The following CDH4 variants were observed in gnomAD, a reference collection of about 807,000 sequenced individuals.
CDH4 encodes the protein cadherin 4.
Under a neutral mutation model 86.0 loss-of-function variants are expected in CDH4, and 33 were observed. The ratio of observed to expected loss-of-function variants is 0.38; its 90% CI spans 0.29 to 0.51. The LOEUF (loss-of-function observed/expected upper bound fraction) is 0.51, where lower values mean the gene tolerates loss of function less well. Among genes scored for constraint, CDH4 ranks in the 20% least tolerant of loss-of-function variants. CDH4 has a pLI of 0.86. For synonymous variants in CDH4, 555 were observed against 549.4 expected (o/e 1.01, Z -0.14); for missense variants, 1,114 against 1,307.4 (o/e 0.85, Z 2.28).
rs535456574 is a variant in CDH4 at position 61,590,876 on chromosome 20, T to TGAG, written c.170-152686_170-152685insAGG. ...CAAAGCCTTGTCTTCCCTAAATCTA[T>TGAG]GGGGGGGGGGGTCCCCGGGTCTCCA... On this transcript the variant is annotated intron_variant, in intron 2 of 15. Coordinates refer to ENST00000614565, the MANE Select transcript of CDH4 (RefSeq NM_001794.5). Among the ~76,000 whole-genome samples, 7 of 137,518 alleles carry TGAG rather than the reference T, an allele frequency of 5.1e-5. 1 individual carries two copies. The East Asian group carries it at 1.6e-3, about 31-fold the overall frequency. The allele number at this position is 137,518 out of a possible 152,430, so 90.2% of individuals were successfully genotyped here. A position where few individuals can be genotyped will look rare whatever the true frequency, so the allele number is the denominator to read the frequency against.
intron 2 of CDH4, among the ~76,000 whole-genome samples, chr20:61,733,707 A>G (rs1568784764): frequency 6.6e-6 from 1 of 151,638 alleles, no homozygotes; most frequent in Non-Finnish European, 1.5e-5. Context: ...GAAAGAAAGA[A>G]TGAAAGAAAG....
At chr20:61,293,273 G>T (rs1209051456) in intron 2 of CDH4, among the ~76,000 whole-genome samples, 1 of 152,234 alleles carries the variant, frequency 6.6e-6, no homozygotes, top group Non-Finnish European at 1.5e-5. Flanking sequence ...AGGAGGATGA[G>T]GGTGGATGAG....
intron 4 of CDH4, among the ~76,000 whole-genome samples, chr20:61,836,821 T>C (rs1049823030): frequency 1.3e-5 from 2 of 152,260 alleles, no homozygotes; most frequent in Non-Finnish European, 2.9e-5. Context: ...AATCTCACGC[T>C]GGACGGGGTT....
In CDH4 at chr20:61,538,162, C is replaced by T. The variant is rs1042123257; in HGVS notation, c.170-205401C>T. Among the ~76,000 whole-genome samples, 6 of 152,228 alleles carry T rather than the reference C, an allele frequency of 3.9e-5. No individual in the cohort carries two copies. The South Asian group carries it at 8.3e-4, about 21-fold the overall frequency. On this transcript the variant is annotated intron_variant, in intron 2 of 15. Transcript: ENST00000614565. ...GCTGTATTTTCCAGGAAAGCCCACA[C>T]ACCCATTTGTCTGAGATATGTGGTG...
chr20:61,390,247 A>G (rs6142659), intron 2 of CDH4, among the ~76,000 whole-genome samples: 2,045 of 64,300 alleles, frequency 0.032, no homozygotes, highest in Middle Eastern at 0.085. Flanking sequence ...AGGAAACCCC[A>G]ATTGGGTTCG....
chr20:61,759,657 A>T (rs202094690), intron 3 of CDH4, among the ~76,000 whole-genome samples: 4 of 150,624 alleles, frequency 2.7e-5, no homozygotes, highest in African/African-American at 7.3e-5. Flanking sequence ...ATTTAATTTA[A>T]TTTTTTTTTT....
At chr20:61,652,248 G>C (rs1347205882) in intron 2 of CDH4, among the ~76,000 whole-genome samples, 1 of 152,186 alleles carries the variant, frequency 6.6e-6, no homozygotes, top group Admixed American at 6.5e-5. Flanking sequence ...TGAAACTATG[G>C]TGACACCTTC....
At chr20:61,499,781 G>A (rs367699852) in intron 2 of CDH4, among the ~76,000 whole-genome samples, 14 of 152,142 alleles carry the variant, frequency 9.2e-5, no homozygotes, top group African/African-American at 3.1e-4. Context: ...CTTTGGGGAC[G>A]ATGAGGAGAC....
chr20:61,428,291 T>A (rs1266203034), intron 2 of CDH4, among the ~76,000 whole-genome samples: 1 of 152,164 alleles, frequency 6.6e-6, no homozygotes, highest in African/African-American at 2.4e-5. Context: ...TTTGGGAGAA[T>A]CATTGCTTCT....
At chr20:61,547,858 G>A (rs919263981) in intron 2 of CDH4, among the ~76,000 whole-genome samples, 12 of 152,248 alleles carry the variant, frequency 7.9e-5, no homozygotes, top group Admixed American at 3.3e-4. Flanking sequence ...AAGCGGCACC[G>A]CGTGGGGCTG....
At chr20:61,753,040 G>C (rs1024986899) in intron 3 of CDH4, among the ~76,000 whole-genome samples, 2 of 152,156 alleles carry the variant, frequency 1.3e-5, no homozygotes, top group African/African-American at 4.8e-5. Flanking sequence ...CATGCAGAGG[G>C]CTACCTAACT....
At chr20:61,355,320 G>A (rs552629854) in intron 2 of CDH4, among the ~76,000 whole-genome samples, 1 of 152,260 alleles carries the variant, frequency 6.6e-6, no homozygotes, top group East Asian at 1.9e-4. Context: ...ACAAAACTGT[G>A]GACTTAGAGG....
At chr20:61,404,601 G>T (rs566265221) in intron 2 of CDH4, among the ~76,000 whole-genome samples, 5 of 152,056 alleles carry the variant, frequency 3.3e-5, no homozygotes, top group African/African-American at 4.8e-5. Flanking sequence ...CAGGGGATTT[G>T]GGAGAAAATT....
At chr20:61,641,504 C>T (rs1335806021) in intron 2 of CDH4, among the ~76,000 whole-genome samples, 1 of 152,344 alleles carries the variant, frequency 6.6e-6, no homozygotes, top group African/African-American at 2.4e-5. Context: ...TTCATTCTGG[C>T]TCAGAATACA....
intron 7 of CDH4, among the ~76,000 whole-genome samples, chr20:61,883,639 T>C (rs1181405099): frequency 6.6e-6 from 1 of 152,210 alleles, no homozygotes; most frequent in Non-Finnish European, 1.5e-5. Flanking sequence ...CTCAGGCACG[T>C]GGCCCTCCAC....
chr20:61,334,326 T>C (rs949185768), intron 2 of CDH4, among the ~76,000 whole-genome samples: 4 of 152,220 alleles, frequency 2.6e-5, no homozygotes, highest in African/African-American at 9.6e-5. Flanking sequence ...CTGGTTTTCC[T>C]TGTTTTCCAG....
intron 2 of CDH4, among the ~76,000 whole-genome samples, chr20:61,733,401 C>T (rs79777109): frequency 0.055 from 8,300 of 152,210 alleles, 294 homozygotes; most frequent in Middle Eastern, 0.078. Flanking sequence ...GTGCTGTTCC[C>T]GCATCAAAGC....
At chr20:61,733,933 C>A (rs2088228795) in intron 2 of CDH4, among the ~76,000 whole-genome samples, 1 of 152,230 alleles carries the variant, frequency 6.6e-6, no homozygotes, top group African/African-American at 2.4e-5. Context: ...GGAGACACAG[C>A]CTGCTGCGCC....
intron 2 of CDH4, among the ~76,000 whole-genome samples, chr20:61,522,305 G>A (rs982632724): frequency 1.3e-5 from 2 of 152,150 alleles, no homozygotes; most frequent in Non-Finnish European, 2.9e-5. Flanking sequence ...AGCGGGTGGG[G>A]AGGGATCCCA....
Sources: allele counts gnomAD v4.1 joint callset (sites outside exome capture counted in the v4.1 genomes callset), GRCh38; gene constraint gnomAD v4.1.1; transcripts MANE v1.5; gene names NCBI Gene and HGNC (gene_info 2026-07-23, HGNC 2026-07-21).